CAPN13: variants seen among roughly 807,000 people sequenced by gnomAD.
CAPN13 encodes calpain 13.
CAPN13 carries 90 observed loss-of-function variants against 98.4 expected under a neutral mutation model. That is an observed-to-expected ratio of 0.92 (90% CI 0.77 to 1.09). The LOEUF (loss-of-function observed/expected upper bound fraction) is 1.09, where lower values mean the gene tolerates loss of function less well. Among genes scored for constraint, CAPN13 ranks in the 50% least tolerant of loss-of-function variants. CAPN13 has a pLI of 0.00. For synonymous variants in CAPN13, 330 were observed against 305.5 expected (o/e 1.08, Z -0.84); for missense variants, 887 against 841.3 (o/e 1.05, Z -0.67).
intron 4 of CAPN13, among the ~76,000 whole-genome samples, chr2:30,772,875 G>A (rs926710351): frequency 6.6e-6 from 1 of 151,054 alleles, no homozygotes; most frequent in Admixed American, 6.6e-5. Flanking sequence ...CTGGAGTGCA[G>A]TAGTGCAGTG....
Position 30,764,091 on chromosome 2 carries a change from G to T in CAPN13, c.699+41C>A, listed in dbSNP as rs1174089383. 7.8e-6 allele frequency: 12 copies of T among 1,533,368 alleles called. No homozygotes were observed. The East Asian group carries it at 1.2e-4, about 16-fold the overall frequency. 95.0% of individuals were successfully genotyped at this position (1,533,368 alleles called of 1,614,324 possible). On this transcript the variant is annotated intron_variant, in intron 6 of 22. Coordinates refer to ENST00000295055, the MANE Select transcript of CAPN13 (RefSeq NM_144575.3). The stretch of plus-strand genomic sequence containing the variant: ...CCCTGGCTGAGCATTCCTGGCTGAG[G>T]AAAGCTTGAACTGGTGCAAAAGGGC...
intron 1 of CAPN13, among the ~76,000 whole-genome samples, chr2:30,797,062 G>A (rs1015906766): frequency 6.6e-6 from 1 of 152,130 alleles, no homozygotes; most frequent in Non-Finnish European, 1.5e-5. Context: ...CCAGACGGGC[G>A]GGAGGCAGTC....
At chr2:30,778,198 G>T (rs936932751) in intron 2 of CAPN13, among the ~76,000 whole-genome samples, 1 of 152,306 alleles carries the variant, frequency 6.6e-6, no homozygotes, top group East Asian at 1.9e-4. Context: ...CTGGAAGGCC[G>T]CAGTCCCCTT....
Position 30,787,298 on chromosome 2 carries a change from C to G in CAPN13, c.28G>C (p.Glu10Gln), listed in dbSNP as rs1357436125. 6.2e-7 allele frequency: 1 copy of G among 1,613,028 alleles called. No homozygotes were observed. Residue 10 changes from glutamate to glutamine, a missense_variant, in exon 2 of 23, where the codon GAG becomes CAG. By Grantham distance (29) the Glu-to-Gln change is conservative. Coordinates refer to ENST00000295055, the MANE Select transcript of CAPN13 (RefSeq NM_144575.3). ...TCTTTGAACTTGATGATGGAGGTCT[C>G]CACTGAAGGCTCCTGGTAATACGCC... MAYYQEPSV[E>Q]TSIIKFKDQD...
intron 8 of CAPN13, among the ~76,000 whole-genome samples, chr2:30,757,082 C>T (rs1262618547): frequency 2.0e-5 from 3 of 152,210 alleles, no homozygotes; most frequent in South Asian, 2.1e-4. Flanking sequence ...GTGCTGGGCT[C>T]GTTCCTGTTC....
chr2:30,768,012 T>C (rs1315599604), intron 5 of CAPN13, among the ~76,000 whole-genome samples: 1 of 152,346 alleles, frequency 6.6e-6, no homozygotes, highest in East Asian at 1.9e-4. Context: ...TTTCTGGACC[T>C]ATGATGCTCT....
chr2:30,798,607 T>G (rs1675011361), intron 1 of CAPN13, among the ~76,000 whole-genome samples: 1 of 152,214 alleles, frequency 6.6e-6, no homozygotes, highest in Non-Finnish European at 1.5e-5. Flanking sequence ...AACAGGAAGC[T>G]GCATTCAATG....
intron 5 of CAPN13, among the ~76,000 whole-genome samples, 187 bp downstream of exon 5, chr2:30,770,126 C>G (rs1280920641): frequency 6.6e-6 from 1 of 152,234 alleles, no homozygotes; most frequent in East Asian, 1.9e-4. Context: ...ACCCTGCCCA[C>G]TCTTCACTAT....
chr2:30,739,785 G>A (rs1671559852), intron 15 of CAPN13, among the ~76,000 whole-genome samples: 1 of 152,162 alleles, frequency 6.6e-6, no homozygotes, highest in Non-Finnish European at 1.5e-5. Flanking sequence ...AAAAGAGTCT[G>A]AGGAGATGAG....
chr2:30,800,372 C>G (rs79912281), intron 1 of CAPN13, among the ~76,000 whole-genome samples: 2,466 of 152,282 alleles, frequency 0.016, 70 homozygotes, highest in African/African-American at 0.056. Context: ...CAACCCCAGC[C>G]TCTTCTCTCC....
At chr2:30,781,633 G>A (rs1468807174) in intron 2 of CAPN13, among the ~76,000 whole-genome samples, 1 of 152,078 alleles carries the variant, frequency 6.6e-6, no homozygotes, top group African/African-American at 2.4e-5. Context: ...CCTGTCCTTG[G>A]ACAGGGAATT....
chr2:30,778,829 G>C (rs555567515), intron 2 of CAPN13, among the ~76,000 whole-genome samples: 1 of 152,298 alleles, frequency 6.6e-6, no homozygotes, highest in African/African-American at 2.4e-5. Context: ...GGCCCTCCCG[G>C]GTGAGGGGGA....
At chr2:30,776,990 TAG>T (rs1269431501) in intron 3 of CAPN13, among the ~76,000 whole-genome samples, 2 of 152,242 alleles carry the variant, frequency 1.3e-5, no homozygotes, top group Non-Finnish European at 2.9e-5. Flanking sequence ...TTTGAAAGCT[TAG>T]AGTGTATTCT....
chr2:30,785,052 A>G (rs1674196982), intron 2 of CAPN13, among the ~76,000 whole-genome samples: 1 of 152,176 alleles, frequency 6.6e-6, no homozygotes, highest in Non-Finnish European at 1.5e-5. Context: ...CTTGGAAAAT[A>G]CGTCAACTCA....
chr2:30,778,393 G>A (rs573068090), intron 2 of CAPN13, among the ~76,000 whole-genome samples: 1 of 152,286 alleles, frequency 6.6e-6, no homozygotes, highest in East Asian at 1.9e-4. Flanking sequence ...GGCACTTTGG[G>A]AGAACACCAG....
intron 5 of CAPN13, among the ~76,000 whole-genome samples, chr2:30,767,068 G>A (rs1430528997): frequency 2.0e-5 from 3 of 152,188 alleles, no homozygotes; most frequent in East Asian, 1.9e-4. Context: ...GACTGACAGC[G>A]TCAGGGATGG....
intron 5 of CAPN13, among the ~76,000 whole-genome samples, chr2:30,766,755 AAAGGATGGG>A (rs1411089696): frequency 6.6e-6 from 1 of 152,194 alleles, no homozygotes; most frequent in African/African-American, 2.4e-5. Context: ...GAGATCCCAT[AAAGGATGGG>A]AAGCAGCCTA....
intron 8 of CAPN13, 96 bp downstream of exon 8, chr2:30,757,950 G>T: frequency 2.3e-6 from 2 of 873,830 alleles, no homozygotes; most frequent in South Asian, 1.8e-5. Context: ...GCAGTGAGAT[G>T]CGCAGTGGCT....
intron 12 of CAPN13, 98 bp downstream of exon 12, chr2:30,745,625 C>A: frequency 8.2e-7 from 1 of 1,220,154 alleles, no homozygotes; most frequent in South Asian, 1.3e-5. Flanking sequence ...GAATTTGCAG[C>A]CACTGAACAC....
Sources: allele counts gnomAD v4.1 joint callset (sites outside exome capture counted in the v4.1 genomes callset), GRCh38; gene constraint gnomAD v4.1.1; transcripts MANE v1.5; gene names NCBI Gene and HGNC (gene_info 2026-07-23, HGNC 2026-07-21).